EXOC6B: variants seen among roughly 807,000 people sequenced by gnomAD.
The protein encoded by EXOC6B is exocyst complex component 6B.
A neutral mutation model predicts 113.5 loss-of-function variants in EXOC6B; 54 were observed. That is an observed-to-expected ratio of 0.48 (90% CI 0.38 to 0.60). EXOC6B has a LOEUF of 0.60. Ranked by LOEUF, EXOC6B falls within the 20% of genes least tolerant of loss-of-function variation. The pLI is 0.00. For missense variants in EXOC6B, 797 were observed against 977.5 expected (o/e 0.82, Z 2.46); for synonymous variants, 357 against 339.0 (o/e 1.05, Z -0.58).
chr2:72,573,680 C>A (rs1348619488), intron 7 of EXOC6B, among the ~76,000 whole-genome samples: 15 of 152,272 alleles, frequency 9.9e-5, no homozygotes. Flanking sequence ...ATGAAACTTT[C>A]AAGCATTATT....
chr2:72,409,277 A>G (rs1694002369), intron 18 of EXOC6B, among the ~76,000 whole-genome samples: 1 of 152,218 alleles, frequency 6.6e-6, no homozygotes, highest in Non-Finnish European at 1.5e-5. Flanking sequence ...TGGGACTGTA[A>G]ACTAGTTCAA....
chr2:72,743,431 ATCC>A (rs1344020712), intron 1 of EXOC6B, among the ~76,000 whole-genome samples: 3 of 151,800 alleles, frequency 2.0e-5, no homozygotes, highest in African/African-American at 7.3e-5. Flanking sequence ...ATTCCCTTCC[ATCC>A]TCTAAGTTCC....
At chr2:72,490,314 T>A (rs879087052) in intron 16 of EXOC6B, among the ~76,000 whole-genome samples, 1 of 152,126 alleles carries the variant, frequency 6.6e-6, no homozygotes, top group Admixed American at 6.5e-5. Context: ...AGGCTGTCTA[T>A]AAAATGGGAA....
At chr2:72,242,801 T>C (rs960227177) in intron 20 of EXOC6B, among the ~76,000 whole-genome samples, 1 of 152,198 alleles carries the variant, frequency 6.6e-6, no homozygotes, top group South Asian at 2.1e-4. Flanking sequence ...AGTGCAATCA[T>C]AGCTCACTGA....
chr2:72,792,157 T>G (rs978781824), intron 1 of EXOC6B, among the ~76,000 whole-genome samples: 8 of 152,216 alleles, frequency 5.3e-5, no homozygotes, highest in African/African-American at 1.9e-4. Flanking sequence ...GACTAAGAAC[T>G]ATTTTCTAAA....
In EXOC6B at chr2:72,674,553, C is replaced by T. The variant is rs561853473; in HGVS notation, c.669+43550G>A. ...ATACCTTTTAAAAGGCTGTGCAGGC[C>T]GGGCGCGGTGGCTCACGCCTGTAAT... On this transcript the variant is annotated intron_variant, in intron 6 of 21. Transcript: ENST00000272427. 5.9e-5 allele frequency among the ~76,000 whole-genome samples: 9 copies of T among 152,248 alleles called. No homozygotes were observed. The South Asian group carries it at 1.2e-3, about 21-fold the overall frequency.
chr2:72,619,911 G>A (rs1671642093), intron 6 of EXOC6B, among the ~76,000 whole-genome samples: 3 of 152,200 alleles, frequency 2.0e-5, no homozygotes, highest in Admixed American at 1.3e-4. Flanking sequence ...CAGCTCTGGT[G>A]GAGAGTGGCC....
chr2:72,459,954 C>G (rs1001584664), intron 18 of EXOC6B, among the ~76,000 whole-genome samples: 8 of 151,604 alleles, frequency 5.3e-5, no homozygotes, highest in Non-Finnish European at 8.8e-5. Flanking sequence ...GACTTCAAAC[C>G]ATACTATAAG....
intron 18 of EXOC6B, among the ~76,000 whole-genome samples, chr2:72,401,345 C>T (rs970010792): frequency 1.3e-5 from 2 of 148,182 alleles, no homozygotes; most frequent in Non-Finnish European, 3.0e-5. Flanking sequence ...ACTTGTAATC[C>T]CAGCTACTTG....
intron 8 of EXOC6B, among the ~76,000 whole-genome samples, chr2:72,543,723 CT>C (rs1702744908): frequency 6.6e-6 from 1 of 152,128 alleles, no homozygotes; most frequent in Non-Finnish European, 1.5e-5. Context: ...TTCCTGTGTC[CT>C]TATCAATGCA....
chr2:72,582,852 C>G (rs148010088), intron 6 of EXOC6B, among the ~76,000 whole-genome samples: 6 of 152,142 alleles, frequency 3.9e-5, no homozygotes, highest in African/African-American at 1.4e-4. Context: ...TACAGGTCCC[C>G]CAATTGGCCA....
intron 18 of EXOC6B, among the ~76,000 whole-genome samples, chr2:72,385,162 T>C (rs1691925231): frequency 6.6e-6 from 1 of 152,060 alleles, no homozygotes. Context: ...CAAAAACTGA[T>C]ACACAGACCA....
chr2:72,653,759 A>C (rs1450253822), intron 6 of EXOC6B, among the ~76,000 whole-genome samples: 4 of 151,888 alleles, frequency 2.6e-5, no homozygotes, highest in Admixed American at 6.6e-5. Flanking sequence ...CTAACTTCTA[A>C]GTAAAGGCTT....
chr2:72,743,174 T>A (rs1681451480), intron 1 of EXOC6B, among the ~76,000 whole-genome samples: 1 of 152,018 alleles, frequency 6.6e-6, no homozygotes, highest in Non-Finnish European at 1.5e-5. Context: ...ATTCCACCAT[T>A]TCCACTAAAA....
chr2:72,242,311 C>T (rs1334799615), intron 20 of EXOC6B, among the ~76,000 whole-genome samples: 2 of 152,106 alleles, frequency 1.3e-5, no homozygotes, highest in Non-Finnish European at 2.9e-5. Context: ...TATTCAGCAA[C>T]TATAGTTATG....
At chr2:72,753,779 A>C (rs1041116257) in intron 1 of EXOC6B, among the ~76,000 whole-genome samples, 5 of 152,084 alleles carry the variant, frequency 3.3e-5, no homozygotes, top group Non-Finnish European at 7.4e-5. Context: ...TGAGTGTAGC[A>C]TGTATTCCCT....
Position 72,667,481 on chromosome 2 carries a change from A to G in EXOC6B, c.669+50622T>C, listed in dbSNP as rs147413963. Among the ~76,000 whole-genome samples the G allele has an allele frequency of 4.9e-3, 740 of 152,336 alleles. 20 individuals are homozygous for G. In the South Asian group the frequency reaches 0.072, roughly 15 times the overall value. ...ATTACCTGACTTCAAACTATACTATAAGACTACAGTAATCAAAACAGCATG... is the reference window on the plus strand; with the variant it reads ...ATTACCTGACTTCAAACTATACTATGAGACTACAGTAATCAAAACAGCATG... On this transcript the variant is annotated intron_variant, in intron 6 of 21. Coordinates refer to ENST00000272427, the MANE Select transcript of EXOC6B (RefSeq NM_015189.3).
intron 20 of EXOC6B, among the ~76,000 whole-genome samples, chr2:72,323,477 G>A (rs187693495): frequency 8.3e-4 from 127 of 152,118 alleles, no homozygotes; most frequent in African/African-American, 2.8e-3. Flanking sequence ...CAGTAATCCC[G>A]TTACTGGGTA....
At chr2:72,239,375 C>A (rs2104500239) in intron 20 of EXOC6B, among the ~76,000 whole-genome samples, 1 of 152,292 alleles carries the variant, frequency 6.6e-6, no homozygotes, top group East Asian at 1.9e-4. Flanking sequence ...TTAAAGGATT[C>A]AACTTCATTC....
Sources: gnomAD v4.1 joint callset for allele counts (sites outside exome capture counted in the v4.1 genomes callset) on GRCh38, gnomAD v4.1.1 for gene constraint, MANE v1.5 for transcripts, NCBI Gene and HGNC (gene_info 2026-07-23, HGNC 2026-07-21) for gene names.